The following SH3BGRL2 variants were observed in gnomAD, a reference collection of about 807,000 sequenced individuals.
The protein encoded by SH3BGRL2 is SH3 domain-binding glutamic acid-rich-like protein 2.
In SH3BGRL2, 21 loss-of-function variants were observed where a neutral mutation model predicts 14.8. The ratio of observed to expected loss-of-function variants is 1.42; its 90% CI spans 1.01 to 2.05. The LOEUF (loss-of-function observed/expected upper bound fraction) is 2.05. SH3BGRL2 is among the 30% of genes most tolerant of loss of function. SH3BGRL2 has a pLI of 0.00. For missense variants in SH3BGRL2, 147 were observed against 130.8 expected (o/e 1.12, Z -0.61); for synonymous variants, 50 against 47.8 (o/e 1.05, Z -0.19).
the SH3BGRL2 span, among the ~76,000 whole-genome samples, chr6:79,613,496 T>C: frequency 6.6e-6 from 1 of 152,246 alleles, no homozygotes; most frequent in African/African-American, 2.4e-5. Context: ...TACCTGATAG[T>C]ATTCATACTC....
intron 1 of SH3BGRL2, among the ~76,000 whole-genome samples, chr6:79,658,268 A>G (rs1769464317): frequency 6.6e-6 from 1 of 151,982 alleles, no homozygotes; most frequent in Non-Finnish European, 1.5e-5. Context: ...TTTACATCAG[A>G]TATTCTAATG....
chr6:79,621,634 G>T, the SH3BGRL2 span, among the ~76,000 whole-genome samples: 1 of 152,204 alleles, frequency 6.6e-6, no homozygotes, highest in Admixed American at 6.5e-5. Context: ...AATGATTGTG[G>T]CAGTCACTAT....
intron 1 of SH3BGRL2, among the ~76,000 whole-genome samples, chr6:79,670,323 T>A (rs1252416483): frequency 1.3e-5 from 2 of 152,246 alleles, no homozygotes; most frequent in Non-Finnish European, 2.9e-5. Flanking sequence ...CTGTGTTCCC[T>A]TTAATTGCTT....
upstream of SH3BGRL2, among the ~76,000 whole-genome samples, chr6:79,627,187 C>T (rs1228079282): frequency 6.6e-6 from 1 of 152,154 alleles, no homozygotes; most frequent in African/African-American, 2.4e-5. Flanking sequence ...ATACCATCCC[C>T]CTTTATTCTA....
At chr6:79,699,134 A>G (rs1196737710) in intron 3 of SH3BGRL2, among the ~76,000 whole-genome samples, 1 of 152,080 alleles carries the variant, frequency 6.6e-6, no homozygotes, top group Non-Finnish European at 1.5e-5. Flanking sequence ...TGGTCGTTCT[A>G]GAGTGGTTCT....
rs112838362 is a variant in SH3BGRL2, at chr6:79,633,327, A to G, written c.45+1821A>G. Among the ~76,000 whole-genome samples the G allele has an allele frequency of 4.2e-4, 64 of 152,278 alleles. 1 individual carries two copies. The highest frequency in any genetic ancestry group is 2.9e-3 in the East Asian group (15 of 5,186). On this transcript the variant is annotated intron_variant, in intron 1 of 3. Coordinates refer to ENST00000369838, the MANE Select transcript of SH3BGRL2 (RefSeq NM_031469.4). The stretch of plus-strand genomic sequence containing the variant: ...ACTCAGAATTGCACACTCTAGCTTT[A>G]AAGTATTTTGACTTCACCAGGTGAG...
rs138162488 is a variant in SH3BGRL2 at position 79,702,613 on chromosome 6, A to G, written c.*3104A>G. ...GATTTTACTCTTGCCTGTGAACCTC[A>G]TGCATGAAAGCAGCACATTAAATTG... On this transcript the variant is annotated 3_prime_UTR_variant, in exon 4 of 4. Transcript: ENST00000369838. 1 of 152,334 alleles carries G rather than the reference A, an allele frequency of 6.6e-6. No individual in the cohort carries two copies. The highest frequency in any genetic ancestry group is 1.9e-4 in the East Asian group (1 of 5,180). 9.4% of individuals were successfully genotyped at this position (152,334 alleles called of 1,614,324 possible). A position where few individuals can be genotyped will look rare whatever the true frequency, so the allele number is the denominator to read the frequency against.
intron 2 of SH3BGRL2, among the ~76,000 whole-genome samples, chr6:79,691,530 G>GT: frequency 8.4e-6 from 1 of 119,754 alleles, no homozygotes; most frequent in East Asian, 2.8e-4. Flanking sequence ...AACAGTCCCC[G>GT]GTGTGTGACG....
chr6:79,688,197 T>TA (rs1770139714), intron 2 of SH3BGRL2, among the ~76,000 whole-genome samples: 1 of 149,532 alleles, frequency 6.7e-6, no homozygotes, highest in African/African-American at 2.5e-5. Context: ...GATGAGAGAT[T>TA]TAAAAAAAAA....
the SH3BGRL2 span, among the ~76,000 whole-genome samples, chr6:79,613,199 A>G: frequency 5.9e-5 from 9 of 152,214 alleles, no homozygotes. Context: ...AGAATCAGAA[A>G]TGAAAAGAAT....
intron 1 of SH3BGRL2, among the ~76,000 whole-genome samples, chr6:79,662,792 G>A (rs1030083002): frequency 2.0e-5 from 3 of 152,272 alleles, no homozygotes; most frequent in African/African-American, 7.2e-5. Context: ...CCAATCAAAC[G>A]TAGATTTGGT....
the SH3BGRL2 span, among the ~76,000 whole-genome samples, chr6:79,582,420 A>T: frequency 6.6e-6 from 1 of 152,234 alleles, no homozygotes; most frequent in Non-Finnish European, 1.5e-5. Flanking sequence ...ACAGCATGGT[A>T]CTCATACCAA....
the SH3BGRL2 span, among the ~76,000 whole-genome samples, chr6:79,579,654 A>G: frequency 6.6e-6 from 1 of 152,214 alleles, no homozygotes; most frequent in East Asian, 1.9e-4. Flanking sequence ...AGGAAGCACT[A>G]AACATGGAAA....
intron 1 of SH3BGRL2, among the ~76,000 whole-genome samples, chr6:79,655,625 A>G (rs12210005): frequency 0.45 from 68,923 of 151,750 alleles, 16,550 homozygotes; most frequent in Non-Finnish European, 0.53. Flanking sequence ...GGCTACTACT[A>G]ATCTGCTTTC....
the SH3BGRL2 span, among the ~76,000 whole-genome samples, chr6:79,567,708 A>G: frequency 1.3e-5 from 2 of 152,258 alleles, no homozygotes; most frequent in Non-Finnish European, 2.9e-5. Context: ...AAAGATTTAA[A>G]AAAGAGGCAG....
chr6:79,576,042 C>T, the SH3BGRL2 span, among the ~76,000 whole-genome samples: 1 of 152,014 alleles, frequency 6.6e-6, no homozygotes, highest in Non-Finnish European at 1.5e-5. Flanking sequence ...TGCTATGTAA[C>T]TAGCAAAGCC....
chr6:79,669,684 A>G (rs896189563), intron 1 of SH3BGRL2, among the ~76,000 whole-genome samples: 2 of 152,056 alleles, frequency 1.3e-5, no homozygotes, highest in African/African-American at 4.8e-5. Context: ...ACCTCAGGTG[A>G]TCCCCCCACC....
At chr6:79,539,623 G>A in the SH3BGRL2 span, among the ~76,000 whole-genome samples, 6 of 152,300 alleles carry the variant, frequency 3.9e-5, no homozygotes, top group East Asian at 1.2e-3. Flanking sequence ...ATTGCCATAT[G>A]GCAATGATGT....
intron 1 of SH3BGRL2, among the ~76,000 whole-genome samples, chr6:79,647,500 G>A (rs898727475): frequency 3.3e-5 from 5 of 152,088 alleles, no homozygotes; most frequent in African/African-American, 9.7e-5. Context: ...GTTCAGCCAT[G>A]TTCAGGATGC....
Sources: allele counts gnomAD v4.1 joint callset (sites outside exome capture counted in the v4.1 genomes callset), GRCh38; gene constraint gnomAD v4.1.1; transcripts MANE v1.5; gene names NCBI Gene and HGNC (gene_info 2026-07-23, HGNC 2026-07-21).